COPS8: variants seen among roughly 807,000 people sequenced by gnomAD.
COPS8 encodes the protein COP9 signalosome complex subunit 8.
Under a neutral mutation model 31.5 loss-of-function variants are expected in COPS8, and 11 were observed. That is an observed-to-expected ratio of 0.35 (90% confidence interval 0.22 to 0.58). The LOEUF is 0.58. Ranked by LOEUF, COPS8 falls within the 20% of genes least tolerant of loss-of-function variation. COPS8 has a pLI of 0.83. For missense variants in COPS8, 215 were observed against 255.1 expected, an observed-to-expected ratio of 0.84 and a Z score of 1.07; for synonymous variants, 81 against 89.3, an observed-to-expected ratio of 0.91 and a Z score of 0.52.
chr2:237,092,542 T>C (rs1364455286), intron 4 of COPS8, among the ~76,000 whole-genome samples: 1 of 151,682 alleles, frequency 6.6e-6, no homozygotes, highest in Non-Finnish European at 1.5e-5. Flanking sequence ...ATACTTTTAC[T>C]TCTCTAAAAA....
chr2:237,088,689 G>A lies in COPS8; in HGVS notation c.198+36G>A, dbSNP rs765906015. On this transcript the variant is annotated intron_variant, in intron 3 of 7. Coordinates refer to ENST00000354371, the MANE Select transcript of COPS8 (RefSeq NM_006710.5). ...TTTAAACCTATTTTACTGCTTTAAT[G>A]TAATGACATTCCCTTAAATGGCAAC... 5.8e-6 allele frequency: 8 copies of A among 1,378,300 alleles called. No individual in the cohort carries two copies. In the East Asian group the frequency reaches 9.4e-5, roughly 16 times the overall value. 85.4% of individuals were successfully genotyped at this position (1,378,300 alleles called of 1,614,324 possible). A position where few individuals can be genotyped will look rare whatever the true frequency, so the allele number is the denominator to read the frequency against.
chr2:237,089,265 C>G (rs79707325), intron 3 of COPS8, among the ~76,000 whole-genome samples: 1 of 152,064 alleles, frequency 6.6e-6, no homozygotes, highest in Admixed American at 6.5e-5. Context: ...TGATATTCAT[C>G]AAGAGATCGG....
chr2:237,096,517 C>T (rs565503467), intron 6 of COPS8, among the ~76,000 whole-genome samples: 2 of 152,320 alleles, frequency 1.3e-5, no homozygotes, highest in East Asian at 3.9e-4. Flanking sequence ...CCTTCATCCA[C>T]GTCAGCCCAA....
chr2:237,087,549 A>G, intron 2 of COPS8: 1 of 282,678 alleles, frequency 3.5e-6, no homozygotes, highest in Non-Finnish European at 7.5e-6. Context: ...GCCAAGAGGA[A>G]TTCGTTACAA....
intron 5 of COPS8, among the ~76,000 whole-genome samples, chr2:237,094,969 A>AAT (rs138080888): frequency 3.0e-4 from 46 of 151,568 alleles, no homozygotes; most frequent in African/African-American, 4.6e-4. Context: ...CCATATCAAA[A>AAT]ATATATATAT....
Position 237,088,658 on chromosome 2 carries a change from G to A in COPS8, c.198+5G>A. ...ATACCACCTGCTATAAAATCTGTAA[G>A]TATCCTTTAAACCTATTTTACTGCT... On this transcript the variant is annotated splice_donor_5th_base_variant and intron_variant, in intron 3 of 7. Coordinates refer to ENST00000354371, the MANE Select transcript of COPS8 (RefSeq NM_006710.5). 6.3e-7 allele frequency: 1 copy of A among 1,576,816 alleles called. No homozygotes were observed. Among genetic ancestry groups the A allele is most frequent in the Non-Finnish European group, 8.7e-7 (1 of 1,152,216 alleles).
intron 2 of COPS8, among the ~76,000 whole-genome samples, chr2:237,087,969 A>AG (rs1696649240): frequency 6.6e-6 from 1 of 151,370 alleles, no homozygotes; most frequent in African/African-American, 2.4e-5. Flanking sequence ...AAAAAAAAAA[A>AG]GTCTCCTATA....
Position 237,100,211 on chromosome 2 carries a change from G to T in COPS8, c.*2469G>T, listed in dbSNP as rs954503052. On this transcript the variant is annotated 3_prime_UTR_variant, in exon 8 of 8. Coordinates refer to ENST00000354371, the MANE Select transcript of COPS8 (RefSeq NM_006710.5). ...TATATCAATGCTGTTGAGACCACAG[G>T]GTAAGAAATTGAGATTGAGCATGAA... 4 of 152,084 alleles carry T rather than the reference G, an allele frequency of 2.6e-5. No individual in the cohort carries two copies. The highest frequency in any genetic ancestry group is 5.9e-5 in the Non-Finnish European group (4 of 68,018). 9.4% of individuals were successfully genotyped at this position (152,084 alleles called of 1,614,324 possible).
chr2:237,087,916 A>G (rs752730480), intron 2 of COPS8, among the ~76,000 whole-genome samples: 1 of 151,838 alleles, frequency 6.6e-6, no homozygotes, highest in Non-Finnish European at 1.5e-5. Context: ...CTGAGCAACC[A>G]AAGTGAGACC....
intron 4 of COPS8, among the ~76,000 whole-genome samples, chr2:237,091,888 C>T (rs931323022): frequency 6.6e-6 from 1 of 152,206 alleles, no homozygotes; most frequent in African/African-American, 2.4e-5. Flanking sequence ...GACCTTCCTT[C>T]CCAGCCTCTG....
intron 4 of COPS8, chr2:237,093,544 C>G (rs919053158): frequency 3.1e-6 from 1 of 323,280 alleles, no homozygotes; most frequent in Admixed American, 6.5e-5. Context: ...TTTGGCAGTC[C>G]CTTCTTAGAG....
chr2:237,093,311 C>G (rs954296792), intron 4 of COPS8, among the ~76,000 whole-genome samples: 1 of 152,212 alleles, frequency 6.6e-6, no homozygotes, highest in Non-Finnish European at 1.5e-5. Flanking sequence ...CATATGTACA[C>G]TGGCCTATTA....
intron 2 of COPS8, 136 bp from the exon 3 acceptor site, chr2:237,088,469 A>G (rs1696656041): frequency 4.2e-6 from 2 of 479,004 alleles, no homozygotes; most frequent in Non-Finnish European, 7.4e-6. Flanking sequence ...AAACAAATTC[A>G]TATAAAACTA....
chr2:237,087,371 C>T (rs1463129809), intron 2 of COPS8, 174 bp downstream of exon 2: 2 of 548,376 alleles, frequency 3.6e-6, no homozygotes, highest in East Asian at 3.1e-5. Flanking sequence ...ATGATTAGGT[C>T]GTCATTGTCT....
rs942475172 is a variant in COPS8 at position 237,088,579 on chromosome 2, T to C, written c.150-26T>C. The C allele has an allele frequency of 3.9e-6, 6 of 1,544,134 alleles. 1 individual carries two copies. The highest frequency in any genetic ancestry group is 1.4e-5 in the African/African-American group (1 of 72,788). On this transcript the variant is annotated intron_variant, in intron 2 of 7. Coordinates refer to ENST00000354371, the MANE Select transcript of COPS8 (RefSeq NM_006710.5). ...AGATGATTATGTTTTTAATTGATTA[T>C]TCTTCTTTGTGGTGGCGTAAATTAG...
In COPS8 at chr2:237,097,995, G is replaced by C. The variant is rs1014589215; in HGVS notation, c.*253G>C. ...ATGGAGCCTGTCAGTATTACAGTTA[G>C]TTTTCTAGTGACTCATAAAATAAGA... On this transcript the variant is annotated 3_prime_UTR_variant, in exon 8 of 8. Transcript: ENST00000354371. The C allele has an allele frequency of 6.2e-6, 2 of 320,058 alleles. No homozygotes were observed. The highest frequency in any genetic ancestry group is 1.2e-5 in the Non-Finnish European group (2 of 172,584). 19.8% of individuals were successfully genotyped at this position (320,058 alleles called of 1,614,324 possible).
At position 237,098,920 on chromosome 2, in the gene COPS8, C is replaced by T. The variant is rs1018679304; in HGVS notation, c.*1178C>T. On this transcript the variant is annotated 3_prime_UTR_variant, in exon 8 of 8. Coordinates refer to ENST00000354371, the MANE Select transcript of COPS8 (RefSeq NM_006710.5). ...TTTTGAATTGCAATTTTATTTAACCCGGATAGGTAAGTCATATTAAAATTC... is the reference window on the plus strand; with the variant it reads ...TTTTGAATTGCAATTTTATTTAACCTGGATAGGTAAGTCATATTAAAATTC... 2.0e-5 allele frequency: 3 copies of T among 152,032 alleles called. No homozygotes were observed. Among genetic ancestry groups the T allele is most frequent in the African/African-American group, 7.2e-5 (3 of 41,386 alleles). 9.4% of individuals were successfully genotyped at this position (152,032 alleles called of 1,614,324 possible). A position where few individuals can be genotyped will look rare whatever the true frequency, so the allele number is the denominator to read the frequency against.
At chr2:237,087,406 T>G (rs1696638627) in intron 2 of COPS8, 1 of 533,292 alleles carries the variant, frequency 1.9e-6, no homozygotes, top group Non-Finnish European at 3.4e-6. Flanking sequence ...AGAAAACATT[T>G]CAATTTATTA....
In COPS8 at chr2:237,095,268, G is replaced by A. The variant is rs74367963; in HGVS notation, c.440-554G>A. Among the ~76,000 whole-genome samples, 296 of 152,204 alleles carry A rather than the reference G, an allele frequency of 1.9e-3. 5 individuals carry two copies. The East Asian group carries it at 0.042, about 21-fold the overall frequency. On this transcript the variant is annotated intron_variant, in intron 5 of 7. Coordinates refer to ENST00000354371, the MANE Select transcript of COPS8 (RefSeq NM_006710.5). ...CTGGATGTGAATGCTGGTACCACCCGTCCCTGATGCTAGTGGCTATGTGAC... is the reference window on the plus strand; with the variant it reads ...CTGGATGTGAATGCTGGTACCACCCATCCCTGATGCTAGTGGCTATGTGAC...
Sources: allele counts gnomAD v4.1 joint callset (sites outside exome capture counted in the v4.1 genomes callset), GRCh38; gene constraint gnomAD v4.1.1; transcripts MANE v1.5; gene names NCBI Gene and HGNC (gene_info 2026-07-23, HGNC 2026-07-21).